The following DPP6 variants were observed in gnomAD, a reference collection of about 807,000 sequenced individuals.
DPP6 encodes the protein A-type potassium channel modulatory protein DPP6.
A neutral mutation model predicts 122.6 loss-of-function variants in DPP6; 69 were observed. The ratio of observed to expected loss-of-function variants is 0.56; its 90% CI spans 0.46 to 0.69. The LOEUF is 0.69. Ranked by LOEUF, DPP6 falls within the 30% of genes least tolerant of loss-of-function variation. The pLI, the probability that DPP6 is intolerant of heterozygous loss-of-function variation, is 0.00. For missense variants in DPP6, 928 were observed against 1,116.9 expected (o/e 0.83, Z 2.41); for synonymous variants, 418 against 433.1 (o/e 0.97, Z 0.43).
chr7:154,039,249 T>G (rs200691157), intron 1 of DPP6, among the ~76,000 whole-genome samples: 4,750 of 145,054 alleles, frequency 0.033, 157 homozygotes, highest in East Asian at 0.046. Flanking sequence ...CTTGATGTCC[T>G]AGCTTCCCAG....
intron 15 of DPP6, among the ~76,000 whole-genome samples, chr7:154,805,296 C>A (rs934217216): frequency 6.6e-6 from 1 of 152,170 alleles, no homozygotes; most frequent in Non-Finnish European, 1.5e-5. Context: ...GCCCCCCCTG[C>A]CCCACCACAG....
At chr7:153,795,589 T>A in the DPP6 span, among the ~76,000 whole-genome samples, 1 of 152,120 alleles carries the variant, frequency 6.6e-6, no homozygotes, top group African/African-American at 2.4e-5. Context: ...TTTTCCTAAT[T>A]TCTAGTTTAT....
chr7:154,459,805 C>CAAAAAA (rs775605275), intron 2 of DPP6, among the ~76,000 whole-genome samples: 69 of 62,632 alleles, frequency 1.1e-3, no homozygotes, highest in African/African-American at 2.0e-3. Flanking sequence ...GATTCCATCT[C>CAAAAAA]AAAAAAAAAA....
At chr7:154,670,493 G>A (rs535137120) in intron 7 of DPP6, among the ~76,000 whole-genome samples, 1 of 152,214 alleles carries the variant, frequency 6.6e-6, no homozygotes, top group Non-Finnish European at 1.5e-5. Context: ...CTTCAGGTTT[G>A]TTCCAACTCT....
At chr7:153,972,927 G>A (rs1796094465) in intron 1 of DPP6, among the ~76,000 whole-genome samples, 1 of 151,708 alleles carries the variant, frequency 6.6e-6, no homozygotes, top group South Asian at 2.1e-4. Flanking sequence ...TTAAAAAGAG[G>A]GAGGACTATA....
At chr7:154,817,613 G>A (rs1799501171) in intron 16 of DPP6, among the ~76,000 whole-genome samples, 2 of 152,174 alleles carry the variant, frequency 1.3e-5, no homozygotes, top group African/African-American at 4.8e-5. Context: ...GATTGATGAT[G>A]TCATGAACAT....
At chr7:153,768,654 G>A in the DPP6 span, among the ~76,000 whole-genome samples, 2 of 152,086 alleles carry the variant, frequency 1.3e-5, no homozygotes, top group Admixed American at 6.6e-5. Context: ...CATGTATATT[G>A]TCTTCAAATC....
intron 1 of DPP6, among the ~76,000 whole-genome samples, chr7:154,353,568 A>C (rs879766647): frequency 1.3e-5 from 2 of 152,172 alleles, no homozygotes; most frequent in Non-Finnish European, 2.9e-5. Flanking sequence ...GCAAGTGGAC[A>C]GGGCTTGTGA....
At chr7:154,216,516 G>A (rs959865789) in intron 1 of DPP6, among the ~76,000 whole-genome samples, 1 of 152,152 alleles carries the variant, frequency 6.6e-6, no homozygotes, top group African/African-American at 2.4e-5. Flanking sequence ...GCTTTGAGGA[G>A]GGATAAAGGA....
intron 7 of DPP6, among the ~76,000 whole-genome samples, chr7:154,676,864 A>G (rs868836356): frequency 3.9e-5 from 6 of 152,202 alleles, no homozygotes; most frequent in Admixed American, 6.5e-5. Context: ...CTTTTGCAAC[A>G]TGGCTTACAT....
intron 6 of DPP6, among the ~76,000 whole-genome samples, chr7:154,649,045 C>T (rs997840559): frequency 6.6e-6 from 1 of 152,166 alleles, no homozygotes; most frequent in African/African-American, 2.4e-5. Flanking sequence ...GAGCATCCTC[C>T]ATACCCCTCC....
At chr7:153,882,756 C>T (rs569228696), upstream of DPP6, among the ~76,000 whole-genome samples, 5 of 152,092 alleles carry the variant, frequency 3.3e-5, no homozygotes, top group Admixed American at 3.3e-4. Flanking sequence ...CATGGCAGAT[C>T]CTATGGGACT....
intron 3 of DPP6, among the ~76,000 whole-genome samples, chr7:154,492,043 T>C (rs1033262015): frequency 2.0e-5 from 3 of 152,216 alleles, no homozygotes; most frequent in Non-Finnish European, 4.4e-5. Context: ...TTGGAGCATC[T>C]TTTATTCACT....
upstream of DPP6, among the ~76,000 whole-genome samples, chr7:153,883,631 C>T (rs1015266774): frequency 1.1e-4 from 16 of 152,210 alleles, no homozygotes; most frequent in African/African-American, 2.4e-4. Flanking sequence ...CCACCCGCCT[C>T]GGCCTCCCAA....
rs907936700 is a variant in DPP6, at chr7:154,223,663, C to T, written c.243+170600C>T. Among the ~76,000 whole-genome samples, 17 of 149,036 alleles carry T rather than the reference C, an allele frequency of 1.1e-4. 3 individuals carry two copies. The highest frequency in any genetic ancestry group is 2.2e-4 in the Non-Finnish European group (15 of 67,886). ...AAACATGTGGCCAAGTCCTGTTGGG[C>T]GGGGGCAGATGAGAGGAAGGAAGAG... On this transcript the variant is annotated intron_variant, in intron 1 of 25. Transcript: ENST00000377770.
At chr7:154,748,579 C>T (rs1014537147) in intron 8 of DPP6, among the ~76,000 whole-genome samples, 10 of 152,222 alleles carry the variant, frequency 6.6e-5, no homozygotes, top group African/African-American at 2.2e-4. Context: ...GCGAGCCCTG[C>T]GGGGCGGGGA....
At chr7:154,734,788 G>A (rs1270983740) in intron 8 of DPP6, among the ~76,000 whole-genome samples, 1 of 152,182 alleles carries the variant, frequency 6.6e-6, no homozygotes, top group Non-Finnish European at 1.5e-5. Context: ...TATGAACTTG[G>A]ATGAATATTT....
intron 7 of DPP6, among the ~76,000 whole-genome samples, chr7:154,678,197 G>A (rs997045919): frequency 3.3e-5 from 5 of 152,146 alleles, no homozygotes; most frequent in Non-Finnish European, 7.4e-5. Context: ...GGATGGGGGC[G>A]GGCCAAATAA....
intron 1 of DPP6, among the ~76,000 whole-genome samples, chr7:154,351,939 G>A (rs963580906): frequency 4.6e-5 from 7 of 152,074 alleles, no homozygotes; most frequent in African/African-American, 9.7e-5. Flanking sequence ...CTGGAAGGTG[G>A]GAGTGAGGAT....
Sources: gnomAD v4.1 joint callset for allele counts (sites outside exome capture counted in the v4.1 genomes callset) on GRCh38, gnomAD v4.1.1 for gene constraint, MANE v1.5 for transcripts, NCBI Gene and HGNC (gene_info 2026-07-23, HGNC 2026-07-21) for gene names.